The following FOXO3 variants were observed in gnomAD, a reference collection of about 807,000 sequenced individuals.
The protein encoded by FOXO3 is forkhead box protein O3.
FOXO3 carries 4 observed loss-of-function variants against 41.9 expected under a neutral mutation model. The ratio of observed to expected loss-of-function variants is 0.10; its 90% CI spans 0.05 to 0.22. FOXO3 has a LOEUF of 0.22. FOXO3 is among the 10% of genes least tolerant of loss of function. The pLI, the probability that FOXO3 is intolerant of heterozygous loss-of-function variation, is 1.00. For synonymous variants in FOXO3, 318 were observed against 389.3 expected (o/e 0.82, Z 2.16); for missense variants, 534 against 906.8 (o/e 0.59, Z 5.28).
intron 1 of FOXO3, among the ~76,000 whole-genome samples, chr6:108,589,880 G>T (rs927269083): frequency 2.0e-5 from 3 of 152,212 alleles, no homozygotes; most frequent in Non-Finnish European, 2.9e-5. Context: ...GAGTGAATCT[G>T]CAATTTCATG....
Position 108,592,302 on chromosome 6 carries a change from A to G in FOXO3, c.621+30473A>G, listed in dbSNP as rs187364610. On this transcript the variant is annotated intron_variant, in intron 1 of 2. Coordinates refer to ENST00000406360, the MANE Select transcript of FOXO3 (RefSeq NM_001455.4). ...ATGTAAGTTACACCTCATAAAGTTGATTTGAACCGAAAAAAGGGGTTAGAA... is the reference window on the plus strand; with the variant it reads ...ATGTAAGTTACACCTCATAAAGTTGGTTTGAACCGAAAAAAGGGGTTAGAA... Among the ~76,000 whole-genome samples, 82 of 152,316 alleles carry G rather than the reference A, an allele frequency of 5.4e-4. 1 individual carries two copies. Among genetic ancestry groups the G allele is most frequent in the African/African-American group, 1.9e-3 (81 of 41,558 alleles).
At chr6:108,668,593 CT>C (rs1254004132) in intron 2 of FOXO3, among the ~76,000 whole-genome samples, 1 of 152,166 alleles carries the variant, frequency 6.6e-6, no homozygotes, top group Non-Finnish European at 1.5e-5. Flanking sequence ...CATTCACAAA[CT>C]TTCATTCATC....
intron 1 of FOXO3, among the ~76,000 whole-genome samples, chr6:108,660,918 G>A (rs1731414640): frequency 1.3e-5 from 2 of 152,130 alleles, no homozygotes; most frequent in Admixed American, 1.3e-4. Context: ...AAATTAGCTG[G>A]GCATGGTGGC....
chr6:108,631,755 T>C (rs1009426011), intron 1 of FOXO3, among the ~76,000 whole-genome samples: 2 of 152,168 alleles, frequency 1.3e-5, no homozygotes, highest in African/African-American at 4.8e-5. Flanking sequence ...GGTACTGTAT[T>C]TTGTTGTATA....
In FOXO3 at chr6:108,683,176, C is replaced by T. The variant is rs192376282; in HGVS notation, c.*3384C>T. On this transcript the variant is annotated 3_prime_UTR_variant, in exon 3 of 3. Transcript: ENST00000406360. ...GAGGATCAGTCACACATGTGTAGTA[C>T]AAGGCGGACTTTGTGTTTGTTTTTG... 0.014 allele frequency: 2,095 copies of T among 152,732 alleles called. 16 individuals are homozygous for T. Among genetic ancestry groups the T allele is most frequent in the Non-Finnish European group, 0.023 (1,594 of 68,040 alleles). 9.5% of individuals were successfully genotyped at this position (152,732 alleles called of 1,614,324 possible). A position where few individuals can be genotyped will look rare whatever the true frequency, so the allele number is the denominator to read the frequency against.
chr6:108,587,113 C>T (rs1230350999), intron 1 of FOXO3, among the ~76,000 whole-genome samples: 1 of 151,906 alleles, frequency 6.6e-6, no homozygotes, highest in East Asian at 1.9e-4. Flanking sequence ...CCAGCCTATT[C>T]GTTTTTAATT....
At chr6:108,571,274 T>C (rs1222682557) in intron 1 of FOXO3, among the ~76,000 whole-genome samples, 3 of 152,230 alleles carry the variant, frequency 2.0e-5, no homozygotes, top group East Asian at 3.9e-4. Context: ...AGGAGACTAC[T>C]GTAACTTTGA....
chr6:108,643,807 G>A (rs1038269839), intron 1 of FOXO3, among the ~76,000 whole-genome samples: 1 of 152,130 alleles, frequency 6.6e-6, no homozygotes, highest in Non-Finnish European at 1.5e-5. Flanking sequence ...TCTGACCTTA[G>A]TGCAGAGTTC....
chr6:108,648,676 A>T (rs1778461015), intron 1 of FOXO3, among the ~76,000 whole-genome samples: 1 of 152,144 alleles, frequency 6.6e-6, no homozygotes, highest in Non-Finnish European at 1.5e-5. Context: ...TAATCAGTTC[A>T]CAAGCTAAAG....
chr6:108,560,611 G>A (rs960972436), upstream of FOXO3, among the ~76,000 whole-genome samples: 1 of 152,178 alleles, frequency 6.6e-6, no homozygotes, highest in Non-Finnish European at 1.5e-5. Context: ...TAGGAAAGGG[G>A]AGAAGAGCCG....
intron 1 of FOXO3, among the ~76,000 whole-genome samples, chr6:108,608,963 G>T (rs1777282705): frequency 6.6e-6 from 1 of 152,148 alleles, no homozygotes; most frequent in Non-Finnish European, 1.5e-5. Flanking sequence ...GTTTCCTTTT[G>T]TTAACGCTGA....
intron 1 of FOXO3, among the ~76,000 whole-genome samples, chr6:108,651,057 C>T (rs1236572473): frequency 2.6e-5 from 4 of 152,318 alleles, no homozygotes; most frequent in Admixed American, 2.6e-4. Context: ...AAGGCAGTCC[C>T]TCGGGAGGCT....
intron 2 of FOXO3, among the ~76,000 whole-genome samples, chr6:108,674,160 A>G (rs1770474921): frequency 6.6e-6 from 1 of 152,200 alleles, no homozygotes; most frequent in Admixed American, 6.5e-5. Flanking sequence ...CCTAGGTCAT[A>G]TCCCACCAGG....
At chr6:108,587,370 C>A (rs977547826) in intron 1 of FOXO3, among the ~76,000 whole-genome samples, 19 of 152,226 alleles carry the variant, frequency 1.2e-4, no homozygotes, top group African/African-American at 4.3e-4. Context: ...AAGAATCGGT[C>A]CCAAATTGCT....
At chr6:108,634,400 A>G (rs1320895661) in intron 1 of FOXO3, among the ~76,000 whole-genome samples, 1 of 152,130 alleles carries the variant, frequency 6.6e-6, no homozygotes, top group Admixed American at 6.6e-5. Context: ...AGGGTCAGGG[A>G]TGATGACCCC....
chr6:108,600,730 A>C (rs1237028860), intron 1 of FOXO3, among the ~76,000 whole-genome samples: 1 of 152,158 alleles, frequency 6.6e-6, no homozygotes, highest in African/African-American at 2.4e-5. Context: ...TTTTCACTTA[A>C]GCCTCAGGTA....
chr6:108,683,189 G>A lies in FOXO3; in HGVS notation c.*3397G>A, dbSNP rs1318941212. On this transcript the variant is annotated 3_prime_UTR_variant, in exon 3 of 3. Coordinates refer to ENST00000406360, the MANE Select transcript of FOXO3 (RefSeq NM_001455.4). ...ACATGTGTAGTACAAGGCGGACTTT[G>A]TGTTTGTTTTTGGTGTTAATTTTTA... is the stretch of plus-strand genomic sequence containing the variant. The A allele has an allele frequency of 6.6e-6, 1 of 152,620 alleles. No homozygotes were observed. The highest frequency in any genetic ancestry group is 1.5e-5 in the Non-Finnish European group (1 of 68,046). 9.5% of individuals were successfully genotyped at this position (152,620 alleles called of 1,614,324 possible).
chr6:108,616,233 C>T (rs568136684), intron 1 of FOXO3, among the ~76,000 whole-genome samples: 90 of 144,030 alleles, frequency 6.2e-4, no homozygotes, highest in African/African-American at 2.2e-3. Flanking sequence ...GGCGCAGTCT[C>T]GGCTCACTGC....
chr6:108,565,518 C>T (rs948576732), intron 1 of FOXO3, among the ~76,000 whole-genome samples: 52 of 152,310 alleles, frequency 3.4e-4, no homozygotes, highest in African/African-American at 1.2e-3. Flanking sequence ...TCACTTATTT[C>T]GTTATACACA....
Sources: allele counts gnomAD v4.1 joint callset (sites outside exome capture counted in the v4.1 genomes callset), GRCh38; gene constraint gnomAD v4.1.1; transcripts MANE v1.5; gene names NCBI Gene and HGNC (gene_info 2026-07-23, HGNC 2026-07-21).